Variants in IL1RAPL1 observed in about 807,000 individuals in gnomAD.
IL1RAPL1 encodes interleukin-1 receptor accessory protein-like 1.
IL1RAPL1 carries 3 observed loss-of-function variants against 48.4 expected under a neutral mutation model. The ratio of observed to expected loss-of-function variants is 0.06; its 90% CI spans 0.03 to 0.16. IL1RAPL1 has a LOEUF of 0.16. Ranked by LOEUF, IL1RAPL1 falls within the 10% of genes least tolerant of loss-of-function variation. IL1RAPL1 has a pLI of 1.00. For synonymous variants in IL1RAPL1, 185 were observed against 187.7 expected (o/e 0.99, Z 0.12); for missense variants, 349 against 530.6 (o/e 0.66, Z 3.36).
At chrX:29,759,105 C>T (rs1004067731) in intron 6 of IL1RAPL1, among the ~76,000 whole-genome samples, 8 of 112,168 alleles carry the variant, frequency 7.1e-5, no homozygotes, top group Admixed American at 4.7e-4. Flanking sequence ...TTCAATGAGT[C>T]ATAACTTATT....
intron 5 of IL1RAPL1, among the ~76,000 whole-genome samples, chrX:29,505,798 T>C (rs1022415614): frequency 8.9e-6 from 1 of 112,121 alleles, no homozygotes; most frequent in African/African-American, 3.2e-5. Flanking sequence ...TTTTAGAAAG[T>C]TTTCTGTTAT....
At chrX:28,981,115 A>G (rs1925326773) in intron 2 of IL1RAPL1, among the ~76,000 whole-genome samples, 1 of 95,401 alleles carries the variant, frequency 1.0e-5, no homozygotes, top group Non-Finnish European at 2.1e-5. Flanking sequence ...AAAAAAAAAA[A>G]AAAAAAAAAA....
chrX:29,252,434 G>T (rs1398949157), intron 2 of IL1RAPL1, among the ~76,000 whole-genome samples: 7 of 113,954 alleles, frequency 6.1e-5, no homozygotes, highest in Non-Finnish European at 5.6e-5. Context: ...TTGTATGTCT[G>T]GTTAAATACA....
At chrX:28,770,164 A>T (rs979287932) in intron 1 of IL1RAPL1, among the ~76,000 whole-genome samples, 1 of 112,276 alleles carries the variant, frequency 8.9e-6, no homozygotes, top group Non-Finnish European at 1.9e-5. Flanking sequence ...AACAGAGTGA[A>T]AATGTTTAGT....
At chrX:29,165,895 G>T (rs1929778173) in intron 2 of IL1RAPL1, among the ~76,000 whole-genome samples, 1 of 111,925 alleles carries the variant, frequency 8.9e-6, no homozygotes, top group African/African-American at 3.2e-5. Flanking sequence ...CCTTGAATTT[G>T]TACTGGAATT....
intron 5 of IL1RAPL1, among the ~76,000 whole-genome samples, chrX:29,660,637 G>A (rs956633205): frequency 1.2e-4 from 13 of 111,411 alleles, no homozygotes; most frequent in African/African-American, 3.9e-4. Context: ...AAATGAGTTG[G>A]CTGTAAGTGC....
intron 2 of IL1RAPL1, among the ~76,000 whole-genome samples, chrX:29,221,932 C>G (rs761344249): frequency 4.7e-5 from 5 of 106,199 alleles, no homozygotes; most frequent in African/African-American, 1.7e-4. Flanking sequence ...AATCGCTTGA[C>G]CCAGGAGGCG....
intron 5 of IL1RAPL1, among the ~76,000 whole-genome samples, chrX:29,420,019 G>T (rs948134261): frequency 8.9e-6 from 1 of 111,789 alleles, no homozygotes; most frequent in Non-Finnish European, 1.9e-5. Context: ...ATGTAATGAC[G>T]AAGTAGATAT....
intron 1 of IL1RAPL1, among the ~76,000 whole-genome samples, chrX:28,770,971 T>C (rs1000636672): frequency 8.9e-6 from 1 of 112,192 alleles, no homozygotes; most frequent in South Asian, 3.7e-4. Flanking sequence ...GAATGCATGA[T>C]AGGTATAGAG....
At chrX:28,886,538 C>T (rs1184408587) in intron 2 of IL1RAPL1, among the ~76,000 whole-genome samples, 3 of 109,215 alleles carry the variant, frequency 2.7e-5, no homozygotes, top group Non-Finnish European at 3.8e-5. Context: ...AAAAGCTTCT[C>T]TTGGAAAATG....
chrX:28,862,717 G>T (rs1921976376), intron 2 of IL1RAPL1, among the ~76,000 whole-genome samples: 1 of 111,741 alleles, frequency 8.9e-6, no homozygotes, highest in South Asian at 3.7e-4. Context: ...TTGATGTTTT[G>T]TACATTTCAG....
intron 2 of IL1RAPL1, among the ~76,000 whole-genome samples, chrX:29,166,307 A>G (rs755823084): frequency 2.7e-5 from 3 of 112,510 alleles, no homozygotes; most frequent in Admixed American, 9.5e-5. Context: ...TAACAGAATG[A>G]ATGAAACAAT....
intron 1 of IL1RAPL1, among the ~76,000 whole-genome samples, chrX:28,697,559 A>C (rs1219328905): frequency 9.0e-6 from 1 of 111,561 alleles, no homozygotes; most frequent in African/African-American, 3.2e-5. Context: ...GTTACTCTTT[A>C]AATTTCCTCC....
intron 2 of IL1RAPL1, among the ~76,000 whole-genome samples, chrX:28,840,308 A>T (rs962967055): frequency 9.0e-6 from 1 of 111,180 alleles, no homozygotes; most frequent in African/African-American, 3.2e-5. Context: ...CTGTTACCTT[A>T]ATATAGACCT....
intron 2 of IL1RAPL1, among the ~76,000 whole-genome samples, chrX:29,247,426 A>T (rs937715232): frequency 4.6e-5 from 5 of 108,495 alleles, no homozygotes; most frequent in Non-Finnish European, 5.7e-5. Flanking sequence ...CTGAAATAAC[A>T]CGGACAGAGA....
intron 3 of IL1RAPL1, among the ~76,000 whole-genome samples, chrX:29,387,648 T>G (rs772085436): frequency 3.2e-4 from 36 of 112,240 alleles, no homozygotes; most frequent in Non-Finnish European, 5.8e-4. Flanking sequence ...TGTCAATTTT[T>G]TGCCGGGCAT....
At chrX:28,944,364 C>T (rs1381984866) in intron 2 of IL1RAPL1, among the ~76,000 whole-genome samples, 3 of 110,223 alleles carry the variant, frequency 2.7e-5, no homozygotes, top group African/African-American at 6.6e-5. Context: ...CTAAGAAAAT[C>T]GCACGTTACT....
At chrX:29,294,840 T>C (rs1333980724) in intron 3 of IL1RAPL1, among the ~76,000 whole-genome samples, 1 of 111,594 alleles carries the variant, frequency 9.0e-6, no homozygotes, top group Non-Finnish European at 1.9e-5. Context: ...AGATCAGTGT[T>C]GTTAGAAAAT....
At chrX:29,128,464 C>A (rs1928946107) in intron 2 of IL1RAPL1, among the ~76,000 whole-genome samples, 1 of 111,377 alleles carries the variant, frequency 9.0e-6, no homozygotes, top group Admixed American at 9.6e-5. Flanking sequence ...GCTCGCCTTG[C>A]CTCCTCCCCA....
Sources: gnomAD v4.1 joint callset for allele counts (sites outside exome capture counted in the v4.1 genomes callset) on GRCh38, gnomAD v4.1.1 for gene constraint, MANE v1.5 for transcripts, NCBI Gene and HGNC (gene_info 2026-07-23, HGNC 2026-07-21) for gene names.